ALS2CL: variants seen among roughly 807,000 people sequenced by gnomAD.
The protein encoded by ALS2CL is ALS2 C-terminal like.
ALS2CL carries 112 observed loss-of-function variants against 127.9 expected under a neutral mutation model. The ratio of observed to expected loss-of-function variants is 0.88; its 90% CI spans 0.75 to 1.02. The LOEUF (loss-of-function observed/expected upper bound fraction) is 1.02, where lower values mean the gene tolerates loss of function less well. Ranked by LOEUF, ALS2CL falls within the 50% of genes least tolerant of loss-of-function variation. The pLI, the probability that ALS2CL is intolerant of heterozygous loss-of-function variation, is 0.00. For synonymous variants in ALS2CL, 519 were observed against 527.6 expected, an observed-to-expected ratio of 0.98 and a Z score of 0.22; for missense variants, 1,174 against 1,236.7, an observed-to-expected ratio of 0.95 and a Z score of 0.76.
intron 21 of ALS2CL, among the ~76,000 whole-genome samples, 172 bp from the exon 22 acceptor site, chr3:46,673,553 G>A (rs2106688045): frequency 6.6e-6 from 1 of 152,328 alleles, no homozygotes; most frequent in Non-Finnish European, 1.5e-5. Context: ...AGAAGGCAGA[G>A]CTCCAGAAGC....
intron 22 of ALS2CL, among the ~76,000 whole-genome samples, chr3:46,672,938 G>A (rs547139716): frequency 3.4e-4 from 52 of 152,254 alleles, no homozygotes; most frequent in Non-Finnish European, 6.2e-4. Flanking sequence ...CCCGGGAGGC[G>A]GAGGTTGCAG....
intron 24 of ALS2CL, 77 bp from the exon 25 acceptor site, chr3:46,671,661 G>T (rs1698400754): frequency 6.2e-7 from 1 of 1,607,644 alleles, no homozygotes. Flanking sequence ...GCTGGGGAAG[G>T]AGCGCTGGCC....
At chr3:46,689,835 T>C (rs1056896298) in intron 1 of ALS2CL, among the ~76,000 whole-genome samples, 2 of 152,174 alleles carry the variant, frequency 1.3e-5, no homozygotes, top group African/African-American at 4.8e-5. Context: ...TTAGCCTCCT[T>C]TCCATCAAGT....
chr3:46,671,873 G>A lies in ALS2CL; in HGVS notation c.2684+11C>T, dbSNP rs1315374061. On this transcript the variant is annotated intron_variant, in intron 24 of 25. Coordinates refer to ENST00000318962, the MANE Select transcript of ALS2CL (RefSeq NM_147129.5). Reference sequence around the variant, plus strand: ...CCCCTGCCCTGCACCCCCAGCTCCTGACTGCCTCACCGGGCGCGCGACACC... The same window carrying A: ...CCCCTGCCCTGCACCCCCAGCTCCTAACTGCCTCACCGGGCGCGCGACACC... The A allele has an allele frequency of 6.2e-7, 1 of 1,613,132 alleles. No individual in the cohort carries two copies. The highest frequency in any genetic ancestry group is 2.2e-5 in the East Asian group (1 of 44,844).
rs761585221 is a variant in ALS2CL at position 46,685,616 on chromosome 3, AG to A, written c.694del (p.Leu232SerfsTer10). On this transcript the variant is annotated frameshift_variant, in exon 7 of 26. Coordinates refer to ENST00000318962, the MANE Select transcript of ALS2CL (RefSeq NM_147129.5). LOFTEE classifies it high-confidence loss of function. ...GGGTACGTCCTGGCTGTCCTGAAGG[AG>A]TCTGTGAGCAGGGGTGCAGAGCACA... ...RDVLCTPAHR[L>X]LQDSQDVPVT... The A allele has an allele frequency of 2.5e-6, 4 of 1,613,794 alleles. No homozygotes were observed. The highest frequency in any genetic ancestry group is 2.2e-5 in the South Asian group (2 of 91,062).
intron 25 of ALS2CL, 116 bp from the exon 26 acceptor site, chr3:46,671,180 C>A: frequency 8.6e-7 from 1 of 1,165,054 alleles, no homozygotes; most frequent in Non-Finnish European, 1.3e-6. Flanking sequence ...GGAGGCGTGT[C>A]TCCAACTCAG....
At chr3:46,691,987 G>C (rs770318149) in intron 1 of ALS2CL, among the ~76,000 whole-genome samples, 1 of 152,152 alleles carries the variant, frequency 6.6e-6, no homozygotes, top group Non-Finnish European at 1.5e-5. Context: ...TATGACTCCG[G>C]GGGTGAGTCC....
rs1194361721 is a variant in ALS2CL, at chr3:46,685,635, A to C, written c.676T>G (p.Cys226Gly). The C allele has an allele frequency of 1.1e-5, 18 of 1,613,742 alleles. No individual in the cohort carries two copies. The highest frequency in any genetic ancestry group is 1.5e-5 in the Non-Finnish European group (18 of 1,179,828). ...TGAAGGAGTCTGTGAGCAGGGGTGC[A>C]GAGCACATCCTGGTGGGGCAAAGAG... ...TLRGRLRDVL[C>G]TPAHRLLQDS... Residue 226 changes from cysteine (C) to glycine (G), a missense_variant, in exon 7 of 26, where the codon TGC (cysteine) becomes GGC (glycine). Transcript: ENST00000318962.
In ALS2CL at chr3:46,671,468, C is replaced by G; in HGVS notation, c.2781+20G>C. 1 of 1,613,740 alleles carries G rather than the reference C, an allele frequency of 6.2e-7. No individual in the cohort carries two copies. The highest frequency in any genetic ancestry group is 8.5e-7 in the Non-Finnish European group (1 of 1,179,928). ...GGGGCCAGGGCATTTCCACCTCGGTCCACAGCCCCTGTCCCTTACCTCCAG... is the reference window on the plus strand; with the variant it reads ...GGGGCCAGGGCATTTCCACCTCGGTGCACAGCCCCTGTCCCTTACCTCCAG... On this transcript the variant is annotated intron_variant, in intron 25 of 25. Transcript: ENST00000318962.
intron 13 of ALS2CL, 170 bp from the exon 14 acceptor site, chr3:46,680,711 G>A (rs562534521): frequency 1.9e-5 from 12 of 617,986 alleles, no homozygotes; most frequent in Admixed American, 2.9e-5. Flanking sequence ...GAGGAATAGA[G>A]AATGGAGGAG....
At chr3:46,682,196 G>A (rs1699408193) in intron 10 of ALS2CL, 102 bp from the exon 11 acceptor site, 2 of 1,271,494 alleles carry the variant, frequency 1.6e-6, no homozygotes, top group Non-Finnish European at 2.2e-6. Flanking sequence ...CCCTTGGACT[G>A]GGCTCCCTGC....
At position 46,673,331 on chromosome 3, in the gene ALS2CL, C is replaced by G. The variant is rs11130104; in HGVS notation, c.2472+8G>C. On this transcript the variant is annotated splice_region_variant and intron_variant, in intron 22 of 25. Transcript: ENST00000318962. ...GCCCCTGGCTTGGGGCTCTGGCCTC[C>G]CTCTCACCTGATTGCTCGTCAGCGT... 488,400 of 1,559,246 alleles carry G rather than the reference C, an allele frequency of 0.31. 78,125 individuals are homozygous for G. Among genetic ancestry groups the G allele is most frequent in the South Asian group, 0.4 (33,910 of 84,396 alleles).
Position 46,671,886 on chromosome 3 carries a change from G to A in ALS2CL, c.2682C>T (p.Ala894=). The part of the protein sequence containing the change: ...LPLLIYVVSR[A]RIQHLGAEIH... ...CCCCCAGCTCCTGACTGCCTCACCG[G>A]GCGCGCGACACCACGTAGATGAGAA... is the stretch of plus-strand genomic sequence containing the variant. Residue 894 remains alanine (A), a splice_region_variant and synonymous_variant, in exon 24 of 26, where the codon GCC becomes GCT. Transcript: ENST00000318962. The A allele has an allele frequency of 1.2e-6, 2 of 1,613,552 alleles. No homozygotes were observed.
At chr3:46,685,048 C>T (rs1056887506) in intron 7 of ALS2CL, among the ~76,000 whole-genome samples, 2 of 152,184 alleles carry the variant, frequency 1.3e-5, no homozygotes, top group Non-Finnish European at 2.9e-5. Context: ...TCCCTTCTGA[C>T]TTCCACAATG....
chr3:46,680,821 A>C, intron 13 of ALS2CL: 1 of 534,914 alleles, frequency 1.9e-6, no homozygotes, highest in Non-Finnish European at 3.4e-6. Context: ...TGGAGGTAGG[A>C]GCATGTGATG....
chr3:46,674,494 C>A, intron 21 of ALS2CL, 72 bp downstream of exon 21: 2 of 1,549,676 alleles, frequency 1.3e-6, no homozygotes, highest in South Asian at 2.5e-5. Context: ...CCCAGCCCCA[C>A]CTTTTGGCTG....
chr3:46,678,410 C>A (rs1475527666), intron 15 of ALS2CL, 21 bp from the exon 16 acceptor site: 2 of 1,605,348 alleles, frequency 1.2e-6, no homozygotes, highest in South Asian at 1.1e-5. Flanking sequence ...GGAGAAGGAG[C>A]AGGGATGTCT....
chr3:46,692,452 G>C lies in ALS2CL; in HGVS notation c.-26+1191C>G, dbSNP rs145578587. 2.3e-3 allele frequency among the ~76,000 whole-genome samples: 347 copies of C among 152,172 alleles called. 1 individual carries two copies. Among genetic ancestry groups the C allele is most frequent in the African/African-American group, 8.0e-3 (332 of 41,508 alleles). On this transcript the variant is annotated intron_variant, in intron 1 of 25. Transcript: ENST00000318962. Reference sequence around the variant, plus strand: ...CCAGTTCAAAGGTTCCTTAGTGACAGGCTGTGCCTAATGTACAGATGGGGA... The same window carrying C: ...CCAGTTCAAAGGTTCCTTAGTGACACGCTGTGCCTAATGTACAGATGGGGA...
rs1418529882 is a variant in ALS2CL at position 46,686,993 on chromosome 3, G to C, written c.524C>G (p.Thr175Ser). Reference protein sequence around the residue: ...YVLLLLSLGDTIGEHHPTREL... With the variant: ...YVLLLLSLGDSIGEHHPTREL... ...GCCCCTGGTACCCACCTCCCCAATG[G>C]TGTCCCCGAGGCTCAGCAGGAGGAG... Residue 175 changes from threonine to serine, a missense_variant, in exon 5 of 26, where the codon ACC becomes AGC. Physicochemically the swap from Thr to Ser is moderately conservative, Grantham distance 58. Transcript: ENST00000318962. This position sits in a 1 kb window ranked among gnomAD's most constrained non-coding sequence, Gnocchi z 4.3. 6.3e-7 allele frequency: 1 copy of C among 1,595,454 alleles called. No homozygotes were observed. The highest frequency in any genetic ancestry group is 1.3e-5 in the African/African-American group (1 of 74,370).
Sources: gnomAD v4.1 joint callset for allele counts (sites outside exome capture counted in the v4.1 genomes callset) on GRCh38, gnomAD v4.1.1 for gene constraint, Gnocchi (gnomAD v3.1) non-coding constraint, MANE v1.5 for transcripts, NCBI Gene and HGNC (gene_info 2026-07-23, HGNC 2026-07-21) for gene names.